The following EML6 variants were observed in gnomAD, a reference collection of about 807,000 sequenced individuals.
The protein encoded by EML6 is echinoderm microtubule-associated protein-like 6.
In EML6, 154 loss-of-function variants were observed where a neutral mutation model predicts 240.1. The observed-to-expected ratio is 0.64, with a 90% CI of 0.56 to 0.73. The LOEUF is 0.73. Among genes scored for constraint, EML6 ranks in the 30% least tolerant of loss-of-function variants. The pLI is 0.00. For missense variants in EML6, 2,964 were observed against 2,474.6 expected, an observed-to-expected ratio of 1.20 and a Z score of -4.20; for synonymous variants, 1,148 against 899.0, an observed-to-expected ratio of 1.28 and a Z score of -4.95.
chr2:54,959,810 C>G (rs1676412113), intron 34 of EML6, among the ~76,000 whole-genome samples: 1 of 152,102 alleles, frequency 6.6e-6, no homozygotes, highest in African/African-American at 2.4e-5. Context: ...TATTCTTGAA[C>G]AAACCACAGT....
intron 7 of EML6, 21 bp from the exon 8 acceptor site, chr2:54,844,026 T>C (rs1198293082): frequency 6.5e-7 from 1 of 1,539,370 alleles, no homozygotes; most frequent in Non-Finnish European, 8.8e-7. Flanking sequence ...GATTTGCTTT[T>C]GTTTTACTTA....
Position 54,813,346 on chromosome 2 carries a change from C to G in EML6, c.312C>G (p.Val104=), listed in dbSNP as rs929727038. 51 of 1,551,472 alleles carry G rather than the reference C, an allele frequency of 3.3e-5. No individual in the cohort carries two copies. In the East Asian group the frequency reaches 1.2e-3, roughly 36 times the overall value. Residue 104 remains valine (V), a synonymous_variant, in exon 3 of 42, where the codon GTC becomes GTG. Coordinates refer to ENST00000356458, the MANE Select transcript of EML6 (RefSeq NM_001039753.4). ...AGACTGTGTCTCTTCTTAAAGATGT[C>G]CATACACATGGAGTTGCCTGCCTGG... ...NVQTVSLLKD[V]HTHGVACLAF...
At chr2:54,830,890 C>T (rs750053219) in intron 7 of EML6, among the ~76,000 whole-genome samples, 8 of 152,126 alleles carry the variant, frequency 5.3e-5, no homozygotes, top group Non-Finnish European at 1.0e-4. Flanking sequence ...GGTGTGCATA[C>T]GTTTCTGAAT....
rs1294601815 is a variant in EML6, at chr2:54,928,396, G to T, written c.3759G>T (p.Leu1253=). 1 of 1,551,656 alleles carries T rather than the reference G, an allele frequency of 6.4e-7. No individual in the cohort carries two copies. The highest frequency in any genetic ancestry group is 8.7e-7 in the Non-Finnish European group (1 of 1,146,992). The change falls in exon 27 of 42, where the codon CTG becomes CTT. Residue 1253 remains leucine, a synonymous_variant. Transcript: ENST00000356458. ...NVRWLHNDSV[L]LTVGGADTAL... ...GGTGGCTGCACAATGACTCTGTGCTGCTCACGGTGGGCGGCGCCGACACAG... is the reference window on the plus strand; with the variant it reads ...GGTGGCTGCACAATGACTCTGTGCTTCTCACGGTGGGCGGCGCCGACACAG...
chr2:54,811,697 G>C (rs1667856017), intron 2 of EML6, among the ~76,000 whole-genome samples: 1 of 152,182 alleles, frequency 6.6e-6, no homozygotes, highest in African/African-American at 2.4e-5. Flanking sequence ...TTTTCAAACT[G>C]CTTCCATCCA....
intron 32 of EML6, 57 bp from the exon 33 acceptor site, chr2:54,957,733 C>G: frequency 6.6e-7 from 1 of 1,511,190 alleles, no homozygotes; most frequent in East Asian, 2.5e-5. Flanking sequence ...GCTGCGGCTC[C>G]CCCGGCCTGG....
rs575752681 is a variant in EML6, at chr2:54,950,633, T to A, written c.4084-17T>A. 1 of 1,550,998 alleles carries A rather than the reference T, an allele frequency of 6.4e-7. No individual in the cohort carries two copies. On this transcript the variant is annotated splice_polypyrimidine_tract_variant and intron_variant, in intron 29 of 41. Coordinates refer to ENST00000356458, the MANE Select transcript of EML6 (RefSeq NM_001039753.4). ...CCTTCCTCTGAGGGTCACATTGATC[T>A]GTGTGTGTGAATGCAGGAGCTGGCT...
chr2:54,784,345 AG>A (rs1668984605), intron 2 of EML6, among the ~76,000 whole-genome samples: 1 of 152,236 alleles, frequency 6.6e-6, no homozygotes, highest in Non-Finnish European at 1.5e-5. Flanking sequence ...TTGCTATATT[AG>A]AATAAATATT....
chr2:54,932,565 T>C (rs1162967688), intron 28 of EML6, among the ~76,000 whole-genome samples: 2 of 152,226 alleles, frequency 1.3e-5, no homozygotes, highest in South Asian at 2.1e-4. Context: ...TGTTTTCTTA[T>C]AATGTACTCT....
In EML6 at chr2:54,837,336, G is replaced by T. The variant is rs141461761; in HGVS notation, c.848-6711G>T. Among the ~76,000 whole-genome samples the T allele has an allele frequency of 3.3e-3, 496 of 152,224 alleles. 3 individuals carry two copies. Among genetic ancestry groups the T allele is most frequent in the Non-Finnish European group, 5.9e-3 (401 of 68,010 alleles). The stretch of plus-strand genomic sequence containing the variant: ...TTGCTAGCTTGCTCTGTGACTTGAG[G>T]CAAGTAATACAAACTTTCTATGCTG... On this transcript the variant is annotated intron_variant, in intron 7 of 41. Coordinates refer to ENST00000356458, the MANE Select transcript of EML6 (RefSeq NM_001039753.4).
At chr2:54,946,588 A>ATGCGGG (rs1675704541) in intron 28 of EML6, among the ~76,000 whole-genome samples, 1 of 152,198 alleles carries the variant, frequency 6.6e-6, no homozygotes, top group Non-Finnish European at 1.5e-5. Context: ...TGATGTTATG[A>ATGCGGG]ACACTGTTTA....
chr2:54,896,262 C>T (rs151212365), intron 21 of EML6, among the ~76,000 whole-genome samples: 54 of 152,190 alleles, frequency 3.5e-4, no homozygotes, highest in South Asian at 6.2e-4. Flanking sequence ...TCAATCTGTC[C>T]GTCCATAAAA....
intron 13 of EML6, among the ~76,000 whole-genome samples, chr2:54,866,147 A>C (rs1252789922): frequency 2.0e-5 from 3 of 152,240 alleles, no homozygotes; most frequent in African/African-American, 7.2e-5. Context: ...AACTTGATGA[A>C]GATGAGAAAT....
At chr2:54,800,523 A>G (rs1321723206) in intron 2 of EML6, among the ~76,000 whole-genome samples, 1 of 152,142 alleles carries the variant, frequency 6.6e-6, no homozygotes, top group Non-Finnish European at 1.5e-5. Flanking sequence ...CCTCCCACAC[A>G]GATGCTTTTA....
At chr2:54,838,839 G>T (rs530397049) in intron 7 of EML6, among the ~76,000 whole-genome samples, 23 of 152,214 alleles carry the variant, frequency 1.5e-4, no homozygotes, top group Non-Finnish European at 3.1e-4. Context: ...CATCTGTGTG[G>T]TGAAACGCCT....
chr2:54,738,335 C>T (rs1190414558), intron 2 of EML6, among the ~76,000 whole-genome samples: 1 of 152,176 alleles, frequency 6.6e-6, no homozygotes, highest in Non-Finnish European at 1.5e-5. Flanking sequence ...TAGAATAGGA[C>T]TTCTTTTTTG....
intron 17 of EML6, among the ~76,000 whole-genome samples, chr2:54,889,994 A>G (rs1051506992): frequency 6.6e-6 from 1 of 152,264 alleles, no homozygotes; most frequent in African/African-American, 2.4e-5. Flanking sequence ...TGGGTTTCTC[A>G]ATGACAAAGT....
At chr2:54,925,048 A>G (rs1327365362) in intron 26 of EML6, among the ~76,000 whole-genome samples, 2 of 152,128 alleles carry the variant, frequency 1.3e-5, no homozygotes, top group African/African-American at 2.4e-5. Context: ...TTAAAGCCCT[A>G]ACTCCCAATG....
chr2:54,746,952 A>G (rs1388870129), intron 2 of EML6, among the ~76,000 whole-genome samples: 1 of 152,206 alleles, frequency 6.6e-6, no homozygotes, highest in Non-Finnish European at 1.5e-5. Flanking sequence ...TTTTTACTGA[A>G]TGTCAATTAC....
Sources: gnomAD v4.1 joint callset for allele counts (sites outside exome capture counted in the v4.1 genomes callset) on GRCh38, gnomAD v4.1.1 for gene constraint, MANE v1.5 for transcripts, NCBI Gene and HGNC (gene_info 2026-07-23, HGNC 2026-07-21) for gene names.